Variants in MPP4 observed in about 807,000 individuals in gnomAD.
MPP4 encodes MAGUK p55 scaffold protein 4, also known as MAGUK p55 subfamily member 4.
In MPP4, 91 loss-of-function variants were observed where a neutral mutation model predicts 98.3. The observed-to-expected ratio is 0.93, with a 90% CI of 0.78 to 1.10. The LOEUF is 1.10. MPP4 is among the 50% of genes least tolerant of loss of function. The pLI is 0.00. For missense variants in MPP4, 744 were observed against 792.9 expected, an observed-to-expected ratio of 0.94 and a Z score of 0.74; for synonymous variants, 261 against 271.8, an observed-to-expected ratio of 0.96 and a Z score of 0.39.
At chr2:201,684,249 C>T (rs1416424628) in intron 7 of MPP4, among the ~76,000 whole-genome samples, 1 of 150,644 alleles carries the variant, frequency 6.6e-6, no homozygotes, top group Non-Finnish European at 1.5e-5. Flanking sequence ...TTTAGAAGAA[C>T]AGCAGTGAAA....
chr2:201,673,349 C>T (rs1291759519), intron 11 of MPP4, among the ~76,000 whole-genome samples: 5 of 152,270 alleles, frequency 3.3e-5, no homozygotes, highest in South Asian at 4.2e-4. Context: ...TTTTCTCACT[C>T]ATAAATGGGA....
chr2:201,681,099 C>T, intron 9 of MPP4, 65 bp from the exon 10 acceptor site: 8 of 1,506,536 alleles, frequency 5.3e-6, no homozygotes, highest in South Asian at 3.6e-5. Context: ...AGAACCCTTG[C>T]CCATGGGCCA....
At chr2:201,678,340 C>A (rs1038273763) in intron 10 of MPP4, among the ~76,000 whole-genome samples, 1 of 152,148 alleles carries the variant, frequency 6.6e-6, no homozygotes, top group Non-Finnish European at 1.5e-5. Context: ...GTGCTTTAAT[C>A]CCTATAAGAC....
Position 201,651,094 on chromosome 2 carries a change from A to C in MPP4, c.1382-929T>G, listed in dbSNP as rs1404213623. ...TACTGTAAAGCTAGTCCCTTAATCT[A>C]TATTACCATTAGTTCCCCTTATTCA... On this transcript the variant is annotated intron_variant, in intron 18 of 21. Coordinates refer to ENST00000409474, the MANE Select transcript of MPP4 (RefSeq NM_033066.3). 7 of 985,432 alleles carry C rather than the reference A, an allele frequency of 7.1e-6. No homozygotes were observed. The East Asian group carries it at 7.9e-4, about 112-fold the overall frequency. 61.0% of individuals were successfully genotyped at this position (985,432 alleles called of 1,614,324 possible).
At chr2:201,647,615 T>C (rs1559594505) in intron 21 of MPP4, 76 bp downstream of exon 21, 5 of 1,516,812 alleles carry the variant, frequency 3.3e-6, no homozygotes, top group Admixed American at 3.4e-5. Context: ...TCAGAGATCC[T>C]TGGCCCAGCC....
chr2:201,671,806 C>T (rs150812471), intron 11 of MPP4, among the ~76,000 whole-genome samples: 3 of 152,184 alleles, frequency 2.0e-5, no homozygotes, highest in South Asian at 2.1e-4. Flanking sequence ...ATAGGGGAAG[C>T]CTTTAACAAC....
chr2:201,646,405 A>G (rs12105848), intron 21 of MPP4, among the ~76,000 whole-genome samples: 3,118 of 152,288 alleles, frequency 0.02, 132 homozygotes, highest in African/African-American at 0.071. Context: ...AATGCATTAA[A>G]TTCATTGCTG....
chr2:201,693,169 A>G, intron 2 of MPP4, 140 bp from the exon 3 acceptor site: 1 of 977,894 alleles, frequency 1.0e-6, no homozygotes, highest in Non-Finnish European at 1.5e-6. Context: ...TCTGACTTCA[A>G]GCCCTGTTCC....
At position 201,680,933 on chromosome 2, in the gene MPP4, A is replaced by T. The variant is rs753466056; in HGVS notation, c.834T>A (p.Ile278=). The T allele has an allele frequency of 6.2e-7, 1 of 1,613,830 alleles. No homozygotes were observed. The highest frequency in any genetic ancestry group is 8.5e-7 in the Non-Finnish European group (1 of 1,179,826). The part of the protein sequence containing the change: ...LPFQKGDILQ[I]VDQNDALWWQ... ...ACCAGAGGGCATCATTCTGGTCCAC[A>T]ATCTGGAGGATGTCCCCCTTCTGGA... Residue 278 remains isoleucine, a synonymous_variant, in exon 10 of 22, where the codon ATT becomes ATA. Transcript: ENST00000409474.
In MPP4 at chr2:201,650,156, C is replaced by T. The variant is rs199896394; in HGVS notation, c.1391G>A (p.Arg464His). 91 of 1,566,816 alleles carry T rather than the reference C, an allele frequency of 5.8e-5. No individual in the cohort carries two copies. The highest frequency in any genetic ancestry group is 1.7e-4 in the Middle Eastern group (1 of 6,026). ...ATTCATTTCGTAACTCTTTTTAGTACGAGTAGTGTCTATCAGAAAAAGGGA... is the reference window on the plus strand; with the variant it reads ...ATTCATTTCGTAACTCTTTTTAGTATGAGTAGTGTCTATCAGAAAAAGGGA... ...HFQSAVPHTT[R>H]TKKSYEMNGR... The change falls in exon 19 of 22, where the codon CGT becomes CAT. Residue 464 changes from arginine to histidine, a missense_variant. Coordinates refer to ENST00000409474, the MANE Select transcript of MPP4 (RefSeq NM_033066.3).
At chr2:201,681,376 A>G in intron 9 of MPP4, 120 bp downstream of exon 9, 1 of 855,580 alleles carries the variant, frequency 1.2e-6, no homozygotes, top group Non-Finnish European at 1.9e-6. Flanking sequence ...AAAAATATCC[A>G]ACACAGTCTT....
intron 10 of MPP4, among the ~76,000 whole-genome samples, chr2:201,677,297 T>G (rs2105934690): frequency 6.6e-6 from 1 of 152,302 alleles, no homozygotes; most frequent in East Asian, 1.9e-4. Context: ...CTCCAGCGAA[T>G]GGGGCCTCTC....
intron 20 of MPP4, 111 bp downstream of exon 20, chr2:201,649,465 C>T: frequency 5.3e-6 from 4 of 752,460 alleles, no homozygotes; most frequent in Non-Finnish European, 8.9e-6. Flanking sequence ...TGGCCTTATT[C>T]TTAAAAGGCT....
At chr2:201,670,669 T>TC (rs1205082601) in intron 11 of MPP4, among the ~76,000 whole-genome samples, 3 of 152,102 alleles carry the variant, frequency 2.0e-5, no homozygotes, top group Non-Finnish European at 2.9e-5. Flanking sequence ...AAAGTTTGTT[T>TC]TAAAAAAAAA....
rs560776494 is a variant in MPP4 at position 201,664,489 on chromosome 2, ACCCTGC to A, written c.1052-394_1052-389del. Among the ~76,000 whole-genome samples the A allele has an allele frequency of 1.6e-3, 243 of 152,326 alleles. 2 individuals carry two copies. The highest frequency in any genetic ancestry group is 5.6e-3 in the African/African-American group (231 of 41,570). On this transcript the variant is annotated intron_variant, in intron 13 of 21. Transcript: ENST00000409474. ...GGGCTTGCCGATGTAGGAGGGGTGC[ACCCTGC>A]CTGAAGAGTTGCGGACCCACAAACG... is the stretch of plus-strand genomic sequence containing the variant.
At chr2:201,658,278 G>A (rs1017425122) in intron 16 of MPP4, among the ~76,000 whole-genome samples, 199 bp downstream of exon 16, 1 of 152,180 alleles carries the variant, frequency 6.6e-6, no homozygotes, top group African/African-American at 2.4e-5. Flanking sequence ...AGATAACCCA[G>A]TGGAAATTAG....
chr2:201,685,049 G>A lies in MPP4; in HGVS notation c.574+15C>T. On this transcript the variant is annotated intron_variant, in intron 7 of 21. Coordinates refer to ENST00000409474, the MANE Select transcript of MPP4 (RefSeq NM_033066.3). ...GTTTTTCTGGTAACTCTCAATCCCA[G>A]CTGCTCCAGCTTACCACTTCTCTCC... The A allele has an allele frequency of 6.2e-7, 1 of 1,607,738 alleles. No individual in the cohort carries two copies. Among genetic ancestry groups the A allele is most frequent in the Admixed American group, 1.7e-5 (1 of 59,512 alleles).
intron 1 of MPP4, 115 bp downstream of exon 1, chr2:201,698,472 C>A: frequency 1.4e-6 from 1 of 699,222 alleles, no homozygotes; most frequent in Non-Finnish European, 2.1e-6. Context: ...GAAACTAAGC[C>A]ATTTGAGTTA....
chr2:201,696,981 T>C (rs1689204922), intron 1 of MPP4, among the ~76,000 whole-genome samples: 1 of 152,168 alleles, frequency 6.6e-6, no homozygotes, highest in African/African-American at 2.4e-5. Flanking sequence ...GAAGCCCTAA[T>C]CCCCATTGTT....
Sources: allele counts gnomAD v4.1 joint callset (sites outside exome capture counted in the v4.1 genomes callset), GRCh38; gene constraint gnomAD v4.1.1; transcripts MANE v1.5; gene names NCBI Gene and HGNC (gene_info 2026-07-23, HGNC 2026-07-21).